ARHGAP29: variants seen among roughly 807,000 people sequenced by gnomAD.
ARHGAP29 encodes Rho GTPase activating protein 29.
In ARHGAP29, 43 loss-of-function variants were observed where a neutral mutation model predicts 122.6. The ratio of observed to expected loss-of-function variants is 0.35; its 90% CI spans 0.27 to 0.45. The LOEUF (loss-of-function observed/expected upper bound fraction) is 0.45, where lower values mean the gene tolerates loss of function less well. ARHGAP29 is among the 20% of genes least tolerant of loss of function. The probability of loss-of-function intolerance (pLI) is 1.00; values close to 1 mark genes in which losing one functional copy is unlikely to be tolerated. For missense variants in ARHGAP29, 1,303 were observed against 1,477.2 expected (o/e 0.88, Z 1.93); for synonymous variants, 506 against 497.1 (o/e 1.02, Z -0.24).
intron 3 of ARHGAP29, among the ~76,000 whole-genome samples, chr1:94,215,565 G>T (rs1463944263): frequency 6.6e-6 from 1 of 152,046 alleles, no homozygotes; most frequent in Non-Finnish European, 1.5e-5. Flanking sequence ...CAAATTAGTG[G>T]CGAAAATATG....
At chr1:94,261,718 AG>A (rs1557893478) in intron 1 of ARHGAP29, among the ~76,000 whole-genome samples, 2 of 152,208 alleles carry the variant, frequency 1.3e-5, no homozygotes, top group African/African-American at 4.8e-5. Context: ...GTTCTCTACA[AG>A]GAGAACTACA....
At chr1:94,232,754 A>G (rs898863319) in intron 1 of ARHGAP29, among the ~76,000 whole-genome samples, 2 of 152,312 alleles carry the variant, frequency 1.3e-5, no homozygotes, top group Admixed American at 6.5e-5. Flanking sequence ...TCCAGAGTTA[A>G]AAGTTCTAAT....
rs1259928391 is a variant in ARHGAP29 at position 94,171,798 on chromosome 1, T to C, written c.*2071A>G. The C allele has an allele frequency of 6.6e-6, 1 of 152,168 alleles. No individual in the cohort carries two copies. The highest frequency in any genetic ancestry group is 1.5e-5 in the Non-Finnish European group (1 of 68,030). The allele number at this position is 152,168 out of a possible 1,614,324, so 9.4% of individuals were successfully genotyped here. ...AGAGAAATGAGTTTATTACATGATA[T>C]AACCTTTGGGTGGGCTCCATATATT... On this transcript the variant is annotated 3_prime_UTR_variant, in exon 23 of 23. Coordinates refer to ENST00000260526, the MANE Select transcript of ARHGAP29 (RefSeq NM_004815.4).
the ARHGAP29 span, among the ~76,000 whole-genome samples, chr1:94,294,514 C>T: frequency 6.6e-6 from 1 of 152,152 alleles, no homozygotes; most frequent in Non-Finnish European, 1.5e-5. Context: ...TCTCGCACTC[C>T]TGGGCTCAAG....
chr1:94,213,730 C>A (rs1470203336), intron 3 of ARHGAP29, among the ~76,000 whole-genome samples: 1 of 152,204 alleles, frequency 6.6e-6, no homozygotes, highest in African/African-American at 2.4e-5. Flanking sequence ...TACAATGTTA[C>A]ATAACTTCAC....
At chr1:94,232,211 G>T (rs1352772322) in intron 1 of ARHGAP29, among the ~76,000 whole-genome samples, 1 of 151,878 alleles carries the variant, frequency 6.6e-6, no homozygotes, top group Non-Finnish European at 1.5e-5. Context: ...CTTTACTTCA[G>T]TATGCTCATT....
chr1:94,309,929 G>C, the ARHGAP29 span, among the ~76,000 whole-genome samples: 1 of 152,114 alleles, frequency 6.6e-6, no homozygotes, highest in Non-Finnish European at 1.5e-5. Flanking sequence ...GCCCAGTACT[G>C]ATATTTTAGA....
chr1:94,175,869 T>A (rs1469624383), intron 22 of ARHGAP29, among the ~76,000 whole-genome samples: 1 of 151,992 alleles, frequency 6.6e-6, no homozygotes, highest in Non-Finnish European at 1.5e-5. Flanking sequence ...CATGCCCAGA[T>A]AATTTTTGTA....
intron 1 of ARHGAP29, among the ~76,000 whole-genome samples, chr1:94,255,603 T>G (rs1405646074): frequency 6.6e-6 from 1 of 152,186 alleles, no homozygotes; most frequent in Non-Finnish European, 1.5e-5. Flanking sequence ...CTTCCTAATA[T>G]TCACAAGTCA....
the ARHGAP29 span, among the ~76,000 whole-genome samples, chr1:94,282,747 G>T: frequency 8.5e-5 from 13 of 152,226 alleles, no homozygotes; most frequent in African/African-American, 3.1e-4. Context: ...TGATGAGAGG[G>T]GAAGCCTGGC....
the ARHGAP29 span, among the ~76,000 whole-genome samples, chr1:94,289,446 G>GT: frequency 1.3e-5 from 2 of 152,132 alleles, no homozygotes; most frequent in East Asian, 3.9e-4. Context: ...GGCAGGGACA[G>GT]TTTGACTTCC....
chr1:94,258,763 T>G (rs1208637853), intron 1 of ARHGAP29, among the ~76,000 whole-genome samples: 1 of 152,230 alleles, frequency 6.6e-6, no homozygotes, highest in Admixed American at 6.5e-5. Flanking sequence ...AAGGAAGATA[T>G]TATGATCTCC....
intron 1 of ARHGAP29, among the ~76,000 whole-genome samples, chr1:94,269,956 C>T (rs1263211497): frequency 6.6e-6 from 1 of 152,100 alleles, no homozygotes; most frequent in East Asian, 1.9e-4. Flanking sequence ...TTGAGATCAA[C>T]ATACATGAAA....
At chr1:94,253,320 C>T (rs1654180482) in intron 1 of ARHGAP29, among the ~76,000 whole-genome samples, 1 of 152,136 alleles carries the variant, frequency 6.6e-6, no homozygotes, top group African/African-American at 2.4e-5. Flanking sequence ...CCCGGGCTTA[C>T]AGTTAGTCAC....
intron 7 of ARHGAP29, 150 bp from the exon 8 acceptor site, chr1:94,204,144 C>CTT (rs371499898): frequency 1.7e-3 from 644 of 379,808 alleles, no homozygotes; most frequent in Middle Eastern, 2.8e-3. Flanking sequence ...TTCTTTCTTC[C>CTT]TTTTTTTTTT....
At chr1:94,245,721 GA>G (rs1293472775) in intron 1 of ARHGAP29, among the ~76,000 whole-genome samples, 1 of 152,100 alleles carries the variant, frequency 6.6e-6, no homozygotes, top group Non-Finnish European at 1.5e-5. Context: ...TATTGCTACC[GA>G]AGATGCAAAG....
chr1:94,270,537 A>G (rs908526125), intron 1 of ARHGAP29, among the ~76,000 whole-genome samples: 6 of 152,224 alleles, frequency 3.9e-5, no homozygotes, highest in African/African-American at 9.6e-5. Context: ...TGGTACATTC[A>G]GTATCCAGCC....
rs1190591496 is a variant in ARHGAP29 at position 94,170,062 on chromosome 1, T to C, written c.*3807A>G. On this transcript the variant is annotated 3_prime_UTR_variant, in exon 23 of 23. Transcript: ENST00000260526. Reference sequence around the variant, plus strand: ...CACCATTTGACAACCAAAATAGTAATTGGTTCAGTCAAGAATTGTCAATAG... The same window carrying C: ...CACCATTTGACAACCAAAATAGTAACTGGTTCAGTCAAGAATTGTCAATAG... Among the ~76,000 whole-genome samples the C allele has an allele frequency of 6.6e-6, 1 of 152,160 alleles. No individual in the cohort carries two copies. Among genetic ancestry groups the C allele is most frequent in the Non-Finnish European group, 1.5e-5 (1 of 68,010 alleles).
the ARHGAP29 span, among the ~76,000 whole-genome samples, chr1:94,281,496 G>A: frequency 6.6e-6 from 1 of 152,158 alleles, no homozygotes; most frequent in Non-Finnish European, 1.5e-5. Flanking sequence ...TGAGTTACAG[G>A]ACTTCATGGC....
Sources: allele counts gnomAD v4.1 joint callset (sites outside exome capture counted in the v4.1 genomes callset), GRCh38; gene constraint gnomAD v4.1.1; transcripts MANE v1.5; gene names NCBI Gene and HGNC (gene_info 2026-07-23, HGNC 2026-07-21).